The following CSMD2 variants were observed in gnomAD, a reference collection of about 807,000 sequenced individuals.
CSMD2 encodes CUB and Sushi multiple domains 2.
In CSMD2, 130 loss-of-function variants were observed where a neutral mutation model predicts 398.5. That is an observed-to-expected ratio of 0.33 (90% CI 0.28 to 0.38). The LOEUF (loss-of-function observed/expected upper bound fraction) is 0.38. CSMD2 is among the 10% of genes least tolerant of loss of function. The probability of loss-of-function intolerance (pLI) is 1.00; values close to 1 mark genes in which losing one functional copy is unlikely to be tolerated. For synonymous variants in CSMD2, 1,828 were observed against 1,908.5 expected (o/e 0.96, Z 1.10); for missense variants, 3,829 against 4,764.9 (o/e 0.80, Z 5.78).
At chr1:34,106,399 T>A (rs995922459) in intron 1 of CSMD2, among the ~76,000 whole-genome samples, 2 of 152,162 alleles carry the variant, frequency 1.3e-5, no homozygotes, top group Admixed American at 6.5e-5. Flanking sequence ...CCCACCCTCA[T>A]CATATTACAG....
chr1:33,878,322 C>T (rs1470598910), intron 5 of CSMD2: 1 of 152,296 alleles, frequency 6.6e-6, no homozygotes, highest in Non-Finnish European at 1.5e-5. Flanking sequence ...ACCACACTTC[C>T]CCTCTGACGG....
At chr1:33,664,716 T>A (rs1303818297) in intron 25 of CSMD2, among the ~76,000 whole-genome samples, 1 of 152,006 alleles carries the variant, frequency 6.6e-6, no homozygotes, top group Non-Finnish European at 1.5e-5. Flanking sequence ...GGCAGGAGAA[T>A]GTAATGAACC....
At chr1:34,146,006 G>A (rs1260607449) in intron 1 of CSMD2, among the ~76,000 whole-genome samples, 6 of 152,176 alleles carry the variant, frequency 3.9e-5, no homozygotes, top group Non-Finnish European at 8.8e-5. Flanking sequence ...GCTCCATTCA[G>A]CCTCAACAGG....
intron 4 of CSMD2, among the ~76,000 whole-genome samples, chr1:33,920,305 G>A (rs1643891990): frequency 6.6e-6 from 1 of 150,818 alleles, no homozygotes; most frequent in African/African-American, 2.4e-5. Flanking sequence ...GAGGTGGGCG[G>A]ATCAACTGAG....
chr1:34,162,224 A>AT (rs1171169372), intron 1 of CSMD2, among the ~76,000 whole-genome samples: 2 of 136,776 alleles, frequency 1.5e-5, no homozygotes, highest in Non-Finnish European at 3.2e-5. Context: ...ACAGCAGGTA[A>AT]TTGGTGGGAA....
chr1:33,648,863 A>G (rs1643603632), intron 28 of CSMD2, among the ~76,000 whole-genome samples: 2 of 152,308 alleles, frequency 1.3e-5, no homozygotes, highest in Admixed American at 6.5e-5. Flanking sequence ...TCTTAAAAAA[A>G]TCTTTAAAGA....
At chr1:33,625,654 G>A (rs919967537) in intron 33 of CSMD2, among the ~76,000 whole-genome samples, 2 of 152,096 alleles carry the variant, frequency 1.3e-5, no homozygotes, top group African/African-American at 4.8e-5. Flanking sequence ...TTAAGATCCT[G>A]CCTGGGGCCC....
chr1:33,579,923 C>A (rs1232122480), intron 48 of CSMD2, among the ~76,000 whole-genome samples: 1 of 152,180 alleles, frequency 6.6e-6, no homozygotes, highest in Non-Finnish European at 1.5e-5. Context: ...AGGTGATCTG[C>A]CCGCCTTGGC....
At position 33,725,680 on chromosome 1, in the gene CSMD2, C is replaced by T. The variant is rs923203038; in HGVS notation, c.2508-144G>A. 7 of 664,848 alleles carry T rather than the reference C, an allele frequency of 1.1e-5. No individual in the cohort carries two copies. The Admixed American group carries it at 1.1e-4, about 10-fold the overall frequency. 41.2% of individuals were successfully genotyped at this position (664,848 alleles called of 1,614,324 possible). A position where few individuals can be genotyped will look rare whatever the true frequency, so the allele number is the denominator to read the frequency against. On this transcript the variant is annotated intron_variant, in intron 16 of 70. Transcript: ENST00000373381. ...TTTTAATATAATTTGCACACATTCA[C>T]TAGCGATGCAGAAGGACCTTCTCCA...
At chr1:33,568,591 T>C (rs552835542) in intron 52 of CSMD2, among the ~76,000 whole-genome samples, 1 of 152,318 alleles carries the variant, frequency 6.6e-6, no homozygotes, top group Admixed American at 6.5e-5. Context: ...TAAAAACAGA[T>C]GGTTTGGCTA....
At chr1:33,674,284 C>CA (rs1480344989) in intron 25 of CSMD2, among the ~76,000 whole-genome samples, 4 of 150,242 alleles carry the variant, frequency 2.7e-5, no homozygotes, top group Non-Finnish European at 5.9e-5. Context: ...AAATGGAAAA[C>CA]AAAAAAAGGC....
intron 3 of CSMD2, among the ~76,000 whole-genome samples, chr1:33,950,664 T>G (rs890558485): frequency 5.3e-5 from 8 of 152,132 alleles, no homozygotes; most frequent in African/African-American, 1.2e-4. Context: ...GCTAGGCTAC[T>G]GACAGGCCCA....
intron 1 of CSMD2, among the ~76,000 whole-genome samples, chr1:34,132,563 T>C (rs1663471457): frequency 6.6e-6 from 1 of 152,228 alleles, no homozygotes; most frequent in Non-Finnish European, 1.5e-5. Context: ...GATGTGTTTG[T>C]GAAGGTGTTC....
At chr1:34,082,459 G>C (rs552190519) in intron 2 of CSMD2, among the ~76,000 whole-genome samples, 120 of 151,350 alleles carry the variant, frequency 7.9e-4, no homozygotes, top group African/African-American at 2.8e-3. Context: ...AGAGGTGAGG[G>C]GCGCCCACGC....
At chr1:34,110,717 C>A (rs910994443) in intron 1 of CSMD2, among the ~76,000 whole-genome samples, 2 of 151,750 alleles carry the variant, frequency 1.3e-5, no homozygotes, top group African/African-American at 2.4e-5. Flanking sequence ...CACAAAGAGG[C>A]GAGCAACATA....
At chr1:34,082,273 T>C (rs1202821210) in intron 2 of CSMD2, among the ~76,000 whole-genome samples, 20 of 142,460 alleles carry the variant, frequency 1.4e-4, no homozygotes, top group African/African-American at 5.1e-4. Context: ...GGAGCGCCTC[T>C]GCCCGGCTGC....
intron 62 of CSMD2, among the ~76,000 whole-genome samples, chr1:33,536,514 C>T (rs1219822749): frequency 6.6e-6 from 1 of 152,244 alleles, no homozygotes; most frequent in East Asian, 1.9e-4. Flanking sequence ...TGAGCCACCG[C>T]ACCCGGCCAT....
chr1:33,768,892 C>G (rs1202788481), intron 13 of CSMD2, among the ~76,000 whole-genome samples: 1 of 152,182 alleles, frequency 6.6e-6, no homozygotes, highest in Non-Finnish European at 1.5e-5. Context: ...ACATTAAGAA[C>G]TGAGCAATTA....
At chr1:33,639,907 TG>T (rs1643016371) in intron 29 of CSMD2, among the ~76,000 whole-genome samples, 1 of 152,226 alleles carries the variant, frequency 6.6e-6, no homozygotes, top group Admixed American at 6.5e-5. Flanking sequence ...CAATACCCTC[TG>T]CAGAAGGCAG....
Sources: allele counts gnomAD v4.1 joint callset (sites outside exome capture counted in the v4.1 genomes callset), GRCh38; gene constraint gnomAD v4.1.1; transcripts MANE v1.5; gene names NCBI Gene and HGNC (gene_info 2026-07-23, HGNC 2026-07-21).